ZC3HAV1: variants seen among roughly 807,000 people sequenced by gnomAD.
ZC3HAV1 encodes zinc finger CCCH-type containing, antiviral 1.
ZC3HAV1 carries 41 observed loss-of-function variants against 86.6 expected under a neutral mutation model. The observed-to-expected ratio is 0.47, with a 90% CI of 0.37 to 0.61. ZC3HAV1 has a LOEUF of 0.61. Among genes scored for constraint, ZC3HAV1 ranks in the 20% least tolerant of loss-of-function variants. ZC3HAV1 has a pLI of 0.00. For synonymous variants in ZC3HAV1, 421 were observed against 432.1 expected, an observed-to-expected ratio of 0.97 and a Z score of 0.32; for missense variants, 964 against 1,141.1, an observed-to-expected ratio of 0.84 and a Z score of 2.24.
intron 7 of ZC3HAV1, 38 bp from the exon 8 acceptor site, chr7:139,065,037 G>A (rs765387407): frequency 1.1e-5 from 17 of 1,611,940 alleles, no homozygotes; most frequent in Non-Finnish European, 8.5e-7. Context: ...GTCAGGGTAG[G>A]CTTTTAGGAA....
At chr7:139,078,454 AG>A (rs1214269611) in intron 5 of ZC3HAV1, 97 bp downstream of exon 5, 1 of 838,838 alleles carries the variant, frequency 1.2e-6, no homozygotes, top group Non-Finnish European at 1.9e-6. Flanking sequence ...AATTGAAAGC[AG>A]GGTTTTCAGA....
At chr7:139,083,091 C>A (rs1011937338) in intron 3 of ZC3HAV1, among the ~76,000 whole-genome samples, 1 of 151,868 alleles carries the variant, frequency 6.6e-6, no homozygotes, top group African/African-American at 2.4e-5. Flanking sequence ...GTGTGAGTAG[C>A]TGCATGTATA....
intron 1 of ZC3HAV1, among the ~76,000 whole-genome samples, chr7:139,101,211 C>T (rs6978046): frequency 0.022 from 3,268 of 151,878 alleles, 111 homozygotes; most frequent in African/African-American, 0.075. Flanking sequence ...ACCTCCCAGC[C>T]GCCTGCCTTG....
chr7:139,067,313 G>A (rs550060350), intron 7 of ZC3HAV1, among the ~76,000 whole-genome samples: 1 of 152,128 alleles, frequency 6.6e-6, no homozygotes, highest in East Asian at 1.9e-4. Context: ...CCACACCCCA[G>A]CTAATTTTTG....
intron 4 of ZC3HAV1, chr7:139,079,046 A>T (rs968326891): frequency 4.6e-6 from 7 of 1,528,144 alleles, no homozygotes; most frequent in Non-Finnish European, 6.1e-6. Context: ...ACCACCAGCC[A>T]TAGCCACTCT....
intron 9 of ZC3HAV1, among the ~76,000 whole-genome samples, chr7:139,056,556 A>C (rs1816293077): frequency 6.6e-6 from 1 of 151,474 alleles, no homozygotes; most frequent in Non-Finnish European, 1.5e-5. Context: ...GTACCACCAC[A>C]CCTGTCTAAC....
intron 1 of ZC3HAV1, among the ~76,000 whole-genome samples, chr7:139,097,410 A>G (rs1365422403): frequency 2.7e-5 from 2 of 73,178 alleles, no homozygotes; most frequent in African/African-American, 1.6e-4. Flanking sequence ...CCATATATAT[A>G]TATATATATA....
chr7:139,107,333 T>C (rs1344334289), intron 1 of ZC3HAV1, among the ~76,000 whole-genome samples: 1 of 152,240 alleles, frequency 6.6e-6, no homozygotes, highest in Non-Finnish European at 1.5e-5. Context: ...AAGGAACACA[T>C]TCAAGCACTT....
chr7:139,056,512 C>T (rs182356734), intron 9 of ZC3HAV1, among the ~76,000 whole-genome samples: 17 of 151,654 alleles, frequency 1.1e-4, no homozygotes, highest in Non-Finnish European at 2.1e-4. Context: ...GATCCTCCCA[C>T]CTCAACCTCT....
In ZC3HAV1 at chr7:139,080,151, C is replaced by T; in HGVS notation, c.790G>A (p.Ala264Thr). ...FQGSQEFLASASASAERSCTP... is the reference protein window; with the variant it reads ...FQGSQEFLASTSASAERSCTP... Reference sequence around the variant, plus strand: ...CAGGACCTCTCAGCAGACGCTGAAGCAGACGCAAGAAATTCTTGGCTGCCC... The same window carrying T: ...CAGGACCTCTCAGCAGACGCTGAAGTAGACGCAAGAAATTCTTGGCTGCCC... Residue 264 changes from alanine to threonine, a missense_variant, in exon 4 of 13, where the codon GCT becomes ACT. Ala to Thr is a moderately conservative substitution (Grantham distance 58). Coordinates refer to ENST00000242351, the MANE Select transcript of ZC3HAV1 (RefSeq NM_020119.4). The T allele has an allele frequency of 1.9e-6, 3 of 1,614,210 alleles. No individual in the cohort carries two copies. Among genetic ancestry groups the T allele is most frequent in the Non-Finnish European group, 2.5e-6 (3 of 1,180,042 alleles).
At chr7:139,075,174 G>A (rs1383690123) in intron 6 of ZC3HAV1, among the ~76,000 whole-genome samples, 1 of 152,092 alleles carries the variant, frequency 6.6e-6, no homozygotes, top group Non-Finnish European at 1.5e-5. Context: ...TGAGAAACCC[G>A]GCTCTCCACT....
rs1035034643 is a variant in ZC3HAV1, at chr7:139,078,657, T to C, written c.1472-4A>G. 8.3e-6 allele frequency: 13 copies of C among 1,559,698 alleles called. No individual in the cohort carries two copies. The highest frequency in any genetic ancestry group is 5.6e-5 in the African/African-American group (4 of 70,828). On this transcript the variant is annotated splice_polypyrimidine_tract_variant and splice_region_variant and intron_variant, in intron 4 of 12. Coordinates refer to ENST00000242351, the MANE Select transcript of ZC3HAV1 (RefSeq NM_020119.4). ...CTTGTGACATCAGATAAAGAATCTA[T>C]GAAACAAAAAAGGATGCATGTATGC...
chr7:139,072,225 A>C, intron 7 of ZC3HAV1, among the ~76,000 whole-genome samples: 1 of 151,256 alleles, frequency 6.6e-6, no homozygotes, highest in Non-Finnish European at 1.5e-5. Context: ...CACTTTTGTC[A>C]CCCAGACTGG....
chr7:139,055,174 A>G, intron 10 of ZC3HAV1, 31 bp downstream of exon 10: 11 of 1,573,574 alleles, frequency 7.0e-6, no homozygotes, highest in Non-Finnish European at 8.7e-6. Context: ...CTTTTAACAG[A>G]CTCATCCACC....
At position 139,076,423 on chromosome 7, in the gene ZC3HAV1, G is replaced by T; in HGVS notation, c.1574-14C>A. The T allele has an allele frequency of 1.2e-6, 2 of 1,613,794 alleles. No individual in the cohort carries two copies. Among genetic ancestry groups the T allele is most frequent in the Non-Finnish European group, 1.7e-6 (2 of 1,179,894 alleles). ...TGCTGCAGCTACCTACAAAGACAAAGAAGGGGTCTGAGGGACTGTTGAGCA... is the reference window on the plus strand; with the variant it reads ...TGCTGCAGCTACCTACAAAGACAAATAAGGGGTCTGAGGGACTGTTGAGCA... On this transcript the variant is annotated splice_polypyrimidine_tract_variant and intron_variant, in intron 5 of 12. Coordinates refer to ENST00000242351, the MANE Select transcript of ZC3HAV1 (RefSeq NM_020119.4).
chr7:139,097,078 C>T (rs1340958483), intron 1 of ZC3HAV1, among the ~76,000 whole-genome samples: 1 of 151,600 alleles, frequency 6.6e-6, no homozygotes, highest in Admixed American at 6.6e-5. Flanking sequence ...GCAGAGGTTG[C>T]AGTGAGCAGA....
intron 7 of ZC3HAV1, among the ~76,000 whole-genome samples, chr7:139,066,231 G>A (rs556443222): frequency 3.9e-5 from 6 of 152,258 alleles, no homozygotes; most frequent in African/African-American, 1.2e-4. Context: ...GTGGAGAGGG[G>A]CTCACGGTTC....
intron 1 of ZC3HAV1, among the ~76,000 whole-genome samples, chr7:139,097,428 A>ATATATATATATATATATTTT: frequency 2.1e-5 from 1 of 48,158 alleles, no homozygotes; most frequent in Non-Finnish European, 3.3e-5. Flanking sequence ...ATATATATAT[A>ATATATATATATATATATTTT]TTTTTTTTTT....
At chr7:139,083,631 G>T in intron 3 of ZC3HAV1, 149 bp downstream of exon 3, 1 of 1,097,976 alleles carries the variant, frequency 9.1e-7, no homozygotes, top group Non-Finnish European at 1.2e-6. Flanking sequence ...GGAGGCTGAG[G>T]CAGGAGAATC....
Sources: gnomAD v4.1 joint callset for allele counts (sites outside exome capture counted in the v4.1 genomes callset) on GRCh38, gnomAD v4.1.1 for gene constraint, MANE v1.5 for transcripts, NCBI Gene and HGNC (gene_info 2026-07-23, HGNC 2026-07-21) for gene names.